PTPRT: variants seen among roughly 807,000 people sequenced by gnomAD.
The protein encoded by PTPRT is protein tyrosine phosphatase receptor type T, also known as receptor-type tyrosine-protein phosphatase T.
A neutral mutation model predicts 176.8 loss-of-function variants in PTPRT; 56 were observed. The ratio of observed to expected loss-of-function variants is 0.32; its 90% CI spans 0.26 to 0.40. PTPRT has a LOEUF of 0.40. PTPRT is among the 10% of genes least tolerant of loss of function. The pLI is 1.00. For synonymous variants in PTPRT, 783 were observed against 739.0 expected, an observed-to-expected ratio of 1.06 and a Z score of -0.96; for missense variants, 1,540 against 1,908.2, an observed-to-expected ratio of 0.81 and a Z score of 3.60.
intron 7 of PTPRT, among the ~76,000 whole-genome samples, chr20:42,541,903 CTG>C (rs144661971): frequency 0.096 from 14,651 of 152,032 alleles, 771 homozygotes; most frequent in East Asian, 0.17. Context: ...TACGGTTTGG[CTG>C]TGTCCCCACC....
intron 7 of PTPRT, among the ~76,000 whole-genome samples, chr20:42,482,147 A>G (rs2071399011): frequency 6.6e-6 from 1 of 152,074 alleles, no homozygotes; most frequent in Admixed American, 6.6e-5. Context: ...TGTGTATAGA[A>G]GGGGACGAGA....
chr20:43,021,254 T>C (rs1474104044), intron 1 of PTPRT, among the ~76,000 whole-genome samples: 2 of 152,094 alleles, frequency 1.3e-5, no homozygotes, highest in Admixed American at 1.3e-4. Flanking sequence ...AAGTCCTGAT[T>C]TGAGAGACTA....
rs561028848 is a variant in PTPRT, at chr20:42,632,341, C to T, written c.1153+45525G>A. Among the ~76,000 whole-genome samples, 136 of 152,196 alleles carry T rather than the reference C, an allele frequency of 8.9e-4. 2 individuals carry two copies. Among genetic ancestry groups the T allele is most frequent in the African/African-American group, 3.0e-3 (126 of 41,528 alleles). ...GCAATCTCTGCCTCCTGCATTCCAG[C>T]GATTCTCCTGCCTCAGCCTCCTTAA... On this transcript the variant is annotated intron_variant, in intron 7 of 30. Transcript: ENST00000373187.
At chr20:42,049,473 A>T in the PTPRT span, among the ~76,000 whole-genome samples, 2 of 152,234 alleles carry the variant, frequency 1.3e-5, no homozygotes, top group African/African-American at 4.8e-5. Flanking sequence ...GCTGAAGGCA[A>T]GTTTCATGAA....
At chr20:42,500,476 T>G (rs2145414416) in intron 7 of PTPRT, among the ~76,000 whole-genome samples, 1 of 152,290 alleles carries the variant, frequency 6.6e-6, no homozygotes, top group African/African-American at 2.4e-5. Flanking sequence ...AATCAAAAAT[T>G]TGATTTATAT....
rs2146063784 is a variant in PTPRT, at chr20:42,677,868, G to C, written c.1151C>G (p.Ala384Gly). The change falls in exon 7 of 31, where the codon GCA (alanine) becomes GGA (glycine). Residue 384 changes from alanine (A) to glycine (G), a missense_variant and splice_region_variant. Around this residue, in one of 11 missense-constraint regions of PTPRT, gnomAD observed 273 missense variants for 432.1 expected, o/e 0.63. Coordinates refer to ENST00000373187, the MANE Select transcript of PTPRT (RefSeq NM_007050.6). The stretch of plus-strand genomic sequence containing the variant: ...CCTGGGAAAAAAAAAAATCTTACCT[G>C]CACACTTGGTCCTGGTGGTGAGGGG... ...GPPLTTRTKC[A>G]DPVHGPQNVE... 1 of 1,605,490 alleles carries C rather than the reference G, an allele frequency of 6.2e-7. No individual in the cohort carries two copies. The highest frequency in any genetic ancestry group is 8.5e-7 in the Non-Finnish European group (1 of 1,176,598).
intron 15 of PTPRT, among the ~76,000 whole-genome samples, chr20:42,228,940 C>T (rs1019081449): frequency 3.9e-5 from 6 of 152,090 alleles, no homozygotes; most frequent in Admixed American, 6.5e-5. Context: ...ATAAATGCAA[C>T]GACAAAGATA....
chr20:42,274,915 G>A (rs916671814), intron 13 of PTPRT, among the ~76,000 whole-genome samples: 2 of 152,084 alleles, frequency 1.3e-5, no homozygotes, highest in African/African-American at 2.4e-5. Flanking sequence ...ATGGGAAGAG[G>A]TTAACAAATA....
At chr20:42,568,962 C>T (rs953336809) in intron 7 of PTPRT, among the ~76,000 whole-genome samples, 19 of 140,700 alleles carry the variant, frequency 1.4e-4, no homozygotes, top group Admixed American at 1.1e-3. Flanking sequence ...GCAGAAGAAT[C>T]GCTTGAACCC....
intron 7 of PTPRT, among the ~76,000 whole-genome samples, chr20:42,573,212 G>A (rs1418665435): frequency 6.6e-6 from 1 of 152,198 alleles, no homozygotes; most frequent in East Asian, 1.9e-4. Context: ...ATCTAGCCAA[G>A]GAGGGGCCAG....
chr20:42,916,662 T>C (rs1178148837), intron 1 of PTPRT, among the ~76,000 whole-genome samples: 5 of 152,224 alleles, frequency 3.3e-5, no homozygotes, highest in Non-Finnish European at 7.3e-5. Context: ...CCATTCTAAC[T>C]GGTGTGAGAT....
intron 27 of PTPRT, among the ~76,000 whole-genome samples, chr20:42,091,064 G>T (rs538437722): frequency 6.7e-6 from 1 of 149,732 alleles, no homozygotes; most frequent in East Asian, 2.0e-4. Context: ...GGGAGAGGAA[G>T]TCAGTCCAGT....
At chr20:43,083,337 T>TACATATATATATATATATATAC (rs1489432968) in intron 1 of PTPRT, among the ~76,000 whole-genome samples, 1 of 105,792 alleles carries the variant, frequency 9.5e-6, no homozygotes, top group African/African-American at 3.7e-5. Flanking sequence ...TATATATATA[T>TACATATATATATATATATATAC]ATATATATAT....
chr20:42,616,685 A>G (rs1181049858), intron 7 of PTPRT, among the ~76,000 whole-genome samples: 2 of 94,922 alleles, frequency 2.1e-5, no homozygotes, highest in African/African-American at 1.2e-4. Context: ...TAGGTATTTT[A>G]TTCTCTTTGA....
rs942470681 is a variant in PTPRT at position 42,863,359 on chromosome 20, G to A, written c.214+22448C>T. On this transcript the variant is annotated intron_variant, in intron 2 of 30. Transcript: ENST00000373187. ...AACTTCCAGCAGAGAATCAGGACAG[G>A]AGACTACATCCCTGCCTGAGGTCCA... Among the ~76,000 whole-genome samples the A allele has an allele frequency of 5.3e-5, 8 of 152,188 alleles. No individual in the cohort carries two copies. In the East Asian group the frequency reaches 5.8e-4, roughly 11 times the overall value.
intron 7 of PTPRT, among the ~76,000 whole-genome samples, chr20:42,661,896 T>C (rs1321979306): frequency 2.0e-5 from 3 of 152,232 alleles, no homozygotes; most frequent in Non-Finnish European, 4.4e-5. Context: ...TTCTTCTCAC[T>C]GCAGGGAGAC....
chr20:42,488,445 C>T lies in PTPRT; in HGVS notation c.1154-15883G>A, dbSNP rs112970844. ...CTTTTTACCAATCTGATGGGCACTACGTATTTTTTACCATTACTATTTTAA... is the reference window on the plus strand; with the variant it reads ...CTTTTTACCAATCTGATGGGCACTATGTATTTTTTACCATTACTATTTTAA... On this transcript the variant is annotated intron_variant, in intron 7 of 30. Coordinates refer to ENST00000373187, the MANE Select transcript of PTPRT (RefSeq NM_007050.6). Among the ~76,000 whole-genome samples, 1,317 of 152,208 alleles carry T rather than the reference C, an allele frequency of 8.7e-3. 23 individuals are homozygous for T. The highest frequency in any genetic ancestry group is 0.031 in the African/African-American group (1,267 of 41,528).
At chr20:43,067,681 G>A (rs906139349) in intron 1 of PTPRT, among the ~76,000 whole-genome samples, 7 of 151,574 alleles carry the variant, frequency 4.6e-5, no homozygotes, top group African/African-American at 1.5e-4. Context: ...GAAACAAAGG[G>A]CAAGGCACAG....
chr20:42,238,942 T>C (rs1199969797), intron 14 of PTPRT, among the ~76,000 whole-genome samples: 1 of 152,234 alleles, frequency 6.6e-6, no homozygotes, highest in Non-Finnish European at 1.5e-5. Context: ...AGAATCACCA[T>C]AGGCATTAGC....
Sources: allele counts gnomAD v4.1 joint callset (sites outside exome capture counted in the v4.1 genomes callset), GRCh38; gene constraint gnomAD v4.1.1; regional missense constraint gnomAD v4.1.1; transcripts MANE v1.5; gene names NCBI Gene and HGNC (gene_info 2026-07-23, HGNC 2026-07-21).